SOX13: variants seen among roughly 807,000 people sequenced by gnomAD.
The protein encoded by SOX13 is SRY-box transcription factor 13.
Under a neutral mutation model 71.8 loss-of-function variants are expected in SOX13, and 28 were observed. The ratio of observed to expected loss-of-function variants is 0.39; its 90% confidence interval spans 0.29 to 0.53. The LOEUF is 0.53. Among genes scored for constraint, SOX13 ranks in the 20% least tolerant of loss-of-function variants. The pLI, the probability that SOX13 is intolerant of heterozygous loss-of-function variation, is 0.70. For synonymous variants in SOX13, 309 were observed against 317.8 expected (o/e 0.97, Z 0.29); for missense variants, 627 against 810.3 (o/e 0.77, Z 2.75).
chr1:204,082,113 G>A (rs918950885), intron 1 of SOX13, among the ~76,000 whole-genome samples: 1 of 151,738 alleles, frequency 6.6e-6, no homozygotes. Context: ...ATGTGTGTGT[G>A]AGTGTAATGT....
intron 1 of SOX13, among the ~76,000 whole-genome samples, chr1:204,086,335 G>A (rs1399124753): frequency 1.3e-5 from 2 of 152,050 alleles, no homozygotes; most frequent in African/African-American, 2.4e-5. Flanking sequence ...ATGGAGTCTC[G>A]CTGTGTCGCC....
chr1:204,090,094 G>C (rs914535783), intron 1 of SOX13, among the ~76,000 whole-genome samples: 1 of 152,156 alleles, frequency 6.6e-6, no homozygotes, highest in Non-Finnish European at 1.5e-5. Context: ...CCCTTCGGTA[G>C]TGGTTTTTTG....
intron 4 of SOX13, among the ~76,000 whole-genome samples, chr1:204,115,388 C>A (rs1483835315): frequency 6.6e-6 from 1 of 151,000 alleles, no homozygotes; most frequent in African/African-American, 2.4e-5. Flanking sequence ...CCAGGCTCCA[C>A]CCCCACCTAT....
intron 1 of SOX13, among the ~76,000 whole-genome samples, chr1:204,110,354 T>A: frequency 1.4e-5 from 2 of 140,782 alleles, no homozygotes; most frequent in African/African-American, 5.1e-5. Context: ...ATGGGCAACA[T>A]AGCAAGACCC....
intron 7 of SOX13, among the ~76,000 whole-genome samples, chr1:204,120,921 C>G (rs1384765617): frequency 6.6e-6 from 1 of 151,890 alleles, no homozygotes; most frequent in Non-Finnish European, 1.5e-5. Flanking sequence ...CATTTCATAG[C>G]TCTGTGGACA....
In SOX13 at chr1:204,094,393, A is replaced by G. The variant is rs541428452; in HGVS notation, c.-1-18522A>G. Among the ~76,000 whole-genome samples the G allele has an allele frequency of 3.9e-5, 6 of 152,112 alleles. No homozygotes were observed. In the South Asian group the frequency reaches 1.2e-3, roughly 32 times the overall value. ...TACAGGTAGATCTGTGAAGGTGGAG[A>G]GTCATGAGCCAGCAGGGACAGGGTT... On this transcript the variant is annotated intron_variant, in intron 1 of 13. Transcript: ENST00000367204.
At chr1:204,095,442 G>A (rs1177482744) in intron 1 of SOX13, among the ~76,000 whole-genome samples, 4 of 152,068 alleles carry the variant, frequency 2.6e-5, no homozygotes, top group Non-Finnish European at 4.4e-5. Context: ...GGCACTGTCT[G>A]GGTCTTGCTG....
At chr1:204,089,459 C>A (rs1261959717) in intron 1 of SOX13, among the ~76,000 whole-genome samples, 1 of 152,186 alleles carries the variant, frequency 6.6e-6, no homozygotes, top group Admixed American at 6.5e-5. Context: ...ACAGTGATGC[C>A]TGGAACAAAA....
rs1064981 is a variant in SOX13, at chr1:204,126,092, C to G, written c.1827C>G (p.Gly609=). The change falls in exon 14 of 14, where the codon GGC becomes GGG. Residue 609 remains glycine (G), a synonymous_variant. Transcript: ENST00000367204. ...ACAGCGAGGACGAGGACTCGGAGGGCGAAGAGAAGAGCGATGGGGAGTTGG... is the reference window on the plus strand; with the variant it reads ...ACAGCGAGGACGAGGACTCGGAGGGGGAAGAGAAGAGCGATGGGGAGTTGG... ...YRYSEDEDSE[G]EEKSDGELVV... is the part of the protein sequence containing the mutation. 145 of 1,613,788 alleles carry G rather than the reference C, an allele frequency of 9.0e-5. 1 individual carries two copies. Among genetic ancestry groups the G allele is most frequent in the Non-Finnish European group, 1.1e-4 (130 of 1,179,878 alleles).
chr1:204,109,993 C>T (rs1479320272), intron 1 of SOX13, among the ~76,000 whole-genome samples: 2 of 151,910 alleles, frequency 1.3e-5, no homozygotes, highest in African/African-American at 4.8e-5. Context: ...CCACCACACC[C>T]GGCTAATTTT....
intron 6 of SOX13, 72 bp downstream of exon 6, chr1:204,117,262 G>C: frequency 7.5e-7 from 1 of 1,339,670 alleles, no homozygotes; most frequent in Non-Finnish European, 1.1e-6. Flanking sequence ...GAGGGTGCTG[G>C]GGACAGGGGA....
intron 2 of SOX13, among the ~76,000 whole-genome samples, chr1:204,114,087 A>G (rs1227648188): frequency 2.0e-5 from 3 of 152,224 alleles, no homozygotes; most frequent in Non-Finnish European, 2.9e-5. Context: ...GGGATCAAGC[A>G]TCGTGTGAGT....
chr1:204,116,669 A>G lies in SOX13; in HGVS notation c.581A>G (p.Gln194Arg). ...QQQQMELARQQQEQIAKQQQQ... is the reference protein window; with the variant it reads ...QQQQMELARQRQEQIAKQQQQ... ...CAGCAGATGGAGCTTGCCCGGCAGC[A>G]GCAGGAGCAGGTAGGTCCTGTTCGG... Residue 194 changes from glutamine (Q) to arginine (R), a missense_variant, in exon 5 of 14, where the codon CAG (glutamine) becomes CGG (arginine). Physicochemically the swap from Gln to Arg is conservative, Grantham distance 43 (BLOSUM62 1). Around this residue, in one of 3 missense-constraint regions of SOX13, gnomAD observed 447 missense variants for 532.2 expected, o/e 0.84. Transcript: ENST00000367204. 6.2e-7 allele frequency: 1 copy of G among 1,613,716 alleles called. No individual in the cohort carries two copies. The highest frequency in any genetic ancestry group is 8.5e-7 in the Non-Finnish European group (1 of 1,179,850).
At position 204,102,609 on chromosome 1, in the gene SOX13, C is replaced by G. The variant is rs575882955; in HGVS notation, c.-1-10306C>G. Among the ~76,000 whole-genome samples, 16 of 151,420 alleles carry G rather than the reference C, an allele frequency of 1.1e-4. No individual in the cohort carries two copies. The South Asian group carries it at 1.9e-3, about 18-fold the overall frequency. Reference sequence around the variant, plus strand: ...GATAACCTAGGCTAGGGAGGGAGACCTACATGGAGCAGATGGAGGAGGAAG... The same window carrying G: ...GATAACCTAGGCTAGGGAGGGAGACGTACATGGAGCAGATGGAGGAGGAAG... On this transcript the variant is annotated intron_variant, in intron 1 of 13. Coordinates refer to ENST00000367204, the MANE Select transcript of SOX13 (RefSeq NM_005686.3).
At chr1:204,116,338 G>A (rs780879918) in intron 4 of SOX13, 169 bp from the exon 5 acceptor site, 2 of 1,548,408 alleles carry the variant, frequency 1.3e-6, no homozygotes, top group African/African-American at 1.4e-5. Context: ...AACATGAAGA[G>A]CCCCCTTCAA....
chr1:204,075,143 C>T (rs1052291632), intron 1 of SOX13, among the ~76,000 whole-genome samples: 29 of 152,232 alleles, frequency 1.9e-4, no homozygotes, highest in African/African-American at 7.0e-4. Context: ...CATAACTCTG[C>T]TCGTTTTGGA....
chr1:204,123,281 T>C lies in SOX13; in HGVS notation c.1231+73T>C, dbSNP rs1656849760. On this transcript the variant is annotated intron_variant, in intron 11 of 13. Transcript: ENST00000367204. This position sits in a 1 kb window ranked among gnomAD's most constrained non-coding sequence, Gnocchi z 5.0. The stretch of plus-strand genomic sequence containing the variant: ...ATTCCACCAGGGCCAGGGCTGTGTC[T>C]GCCTCTGATCTCTTCCCTCCCTTGG... 4.0e-6 allele frequency: 5 copies of C among 1,241,304 alleles called. No homozygotes were observed. Among genetic ancestry groups the C allele is most frequent in the Non-Finnish European group, 5.9e-6 (5 of 842,492 alleles). 76.9% of individuals were successfully genotyped at this position (1,241,304 alleles called of 1,614,324 possible).
Position 204,127,586 on chromosome 1 carries a change from C to T in SOX13, c.*1452C>T, listed in dbSNP as rs1248432634. 1 of 152,674 alleles carries T rather than the reference C, an allele frequency of 6.5e-6. No homozygotes were observed. Among genetic ancestry groups the T allele is most frequent in the Non-Finnish European group, 1.5e-5 (1 of 68,078 alleles). The allele number at this position is 152,674 out of a possible 1,614,324, so 9.5% of individuals were successfully genotyped here. Reference sequence around the variant, plus strand: ...CCATCCTCAAAGCCCCCACTTCTCTCCAGGCTGTTTCTTTTTTTATGACTG... The same window carrying T: ...CCATCCTCAAAGCCCCCACTTCTCTTCAGGCTGTTTCTTTTTTTATGACTG... On this transcript the variant is annotated 3_prime_UTR_variant, in exon 14 of 14. Transcript: ENST00000367204.
chr1:204,106,611 C>T (rs971745841), intron 1 of SOX13, among the ~76,000 whole-genome samples: 2 of 151,698 alleles, frequency 1.3e-5, no homozygotes, highest in African/African-American at 4.9e-5. Context: ...CTTCCACTTC[C>T]CAGGTTCAAG....
Sources: allele counts gnomAD v4.1 joint callset (sites outside exome capture counted in the v4.1 genomes callset), GRCh38; gene constraint gnomAD v4.1.1; regional missense constraint gnomAD v4.1.1; non-coding constraint Gnocchi (gnomAD v3.1); transcripts MANE v1.5; gene names NCBI Gene and HGNC (gene_info 2026-07-23, HGNC 2026-07-21).